The following NKAIN3 variants were observed in gnomAD, a reference collection of about 807,000 sequenced individuals.
The protein encoded by NKAIN3 is sodium/potassium-transporting ATPase subunit beta-1-interacting protein 3.
A neutral mutation model predicts 30.2 loss-of-function variants in NKAIN3; 25 were observed. That is an observed-to-expected ratio of 0.83 (90% CI 0.60 to 1.16). The LOEUF (loss-of-function observed/expected upper bound fraction) is 1.16. Among genes scored for constraint, NKAIN3 ranks in the 50% most tolerant of loss-of-function variants. The pLI, the probability that NKAIN3 is intolerant of heterozygous loss-of-function variation, is 0.00. For missense variants in NKAIN3, 225 were observed against 254.1 expected (o/e 0.89, Z 0.78); for synonymous variants, 91 against 89.6 (o/e 1.02, Z -0.09).
In NKAIN3 at chr8:62,857,969, G is replaced by T. The variant is rs1216030161; in HGVS notation, c.472-60484G>T. Among the ~76,000 whole-genome samples the T allele has an allele frequency of 1.1e-4, 16 of 152,280 alleles. No individual in the cohort carries two copies. In the East Asian group the frequency reaches 2.9e-3, roughly 28 times the overall value. ...TTTGAGTTGATTCTTTCTCATCTTT[G>T]TGGGCTTATCTACCTTTGATCTTTG... On this transcript the variant is annotated intron_variant, in intron 4 of 6. Transcript: ENST00000623646.
chr8:62,420,495 A>T (rs1348421646), intron 1 of NKAIN3, among the ~76,000 whole-genome samples: 1 of 152,156 alleles, frequency 6.6e-6, no homozygotes, highest in African/African-American at 2.4e-5. Context: ...TTTTGGTGAA[A>T]ATTTTGTATT....
At chr8:62,376,933 T>C (rs1817102693) in intron 1 of NKAIN3, among the ~76,000 whole-genome samples, 2 of 152,182 alleles carry the variant, frequency 1.3e-5, no homozygotes, top group African/African-American at 2.4e-5. Flanking sequence ...TGACTTTATA[T>C]ATATTTTGAT....
chr8:62,697,205 GC>G (rs1304690932), intron 3 of NKAIN3, among the ~76,000 whole-genome samples: 9 of 152,074 alleles, frequency 5.9e-5, no homozygotes, highest in Non-Finnish European at 1.0e-4. Flanking sequence ...AGCCAACAGA[GC>G]CCTACATGAT....
intron 4 of NKAIN3, among the ~76,000 whole-genome samples, chr8:62,801,786 T>C (rs1464936662): frequency 3.9e-5 from 6 of 152,184 alleles, no homozygotes; most frequent in Non-Finnish European, 7.3e-5. Context: ...TTTGACGAGT[T>C]GAGAGAAGAA....
At chr8:62,538,122 T>C (rs182307797) in intron 1 of NKAIN3, among the ~76,000 whole-genome samples, 3 of 152,286 alleles carry the variant, frequency 2.0e-5, no homozygotes, top group Non-Finnish European at 4.4e-5. Context: ...TCTGGCTTGA[T>C]CTCTATACAA....
At chr8:62,748,028 A>G (rs569811320) in intron 4 of NKAIN3, among the ~76,000 whole-genome samples, 2 of 152,316 alleles carry the variant, frequency 1.3e-5, no homozygotes, top group South Asian at 2.1e-4. Flanking sequence ...CCTTGCTATC[A>G]CTTACTGTAT....
intron 4 of NKAIN3, among the ~76,000 whole-genome samples, chr8:62,908,431 A>G (rs914965325): frequency 1.3e-5 from 2 of 152,168 alleles, no homozygotes. Flanking sequence ...ATGTGAGGAC[A>G]TGAGATTTGG....
chr8:62,816,188 CT>C (rs1247613568), intron 4 of NKAIN3, among the ~76,000 whole-genome samples: 6 of 152,110 alleles, frequency 3.9e-5, no homozygotes, highest in Non-Finnish European at 8.8e-5. Context: ...TCAGGAAATA[CT>C]TTTTCCTGTA....
intron 4 of NKAIN3, among the ~76,000 whole-genome samples, chr8:62,852,817 G>A (rs1319517825): frequency 6.6e-6 from 1 of 152,128 alleles, no homozygotes; most frequent in Admixed American, 6.6e-5. Flanking sequence ...TGGTCTGAGA[G>A]ACAGTTTGTT....
intron 1 of NKAIN3, among the ~76,000 whole-genome samples, chr8:62,252,386 A>T (rs1210176336): frequency 6.6e-6 from 1 of 152,250 alleles, no homozygotes; most frequent in Non-Finnish European, 1.5e-5. Flanking sequence ...TTTTGTCTGA[A>T]CTACTGTCTG....
intron 3 of NKAIN3, among the ~76,000 whole-genome samples, chr8:62,664,824 G>A (rs541833375): frequency 1.4e-4 from 21 of 152,168 alleles, no homozygotes; most frequent in Admixed American, 1.2e-3. Flanking sequence ...TTCAGATCAA[G>A]AACTCCAGCT....
intron 4 of NKAIN3, among the ~76,000 whole-genome samples, chr8:62,754,834 T>C (rs1391239167): frequency 1.3e-5 from 2 of 152,202 alleles, no homozygotes; most frequent in Non-Finnish European, 2.9e-5. Flanking sequence ...CATATGCTTA[T>C]AGAATAAATT....
intron 3 of NKAIN3, among the ~76,000 whole-genome samples, chr8:62,677,321 C>T (rs892674625): frequency 1.3e-5 from 2 of 152,234 alleles, no homozygotes; most frequent in African/African-American, 4.8e-5. Context: ...AACTCTTCAG[C>T]TGGCATTAAC....
intron 1 of NKAIN3, among the ~76,000 whole-genome samples, chr8:62,557,145 T>G (rs562075456): frequency 1.3e-5 from 2 of 152,154 alleles, no homozygotes; most frequent in African/African-American, 4.8e-5. Context: ...CACTTATGAG[T>G]GAGAACATAT....
chr8:62,356,509 A>T (rs2129592129), intron 1 of NKAIN3, among the ~76,000 whole-genome samples: 1 of 152,240 alleles, frequency 6.6e-6, no homozygotes, highest in East Asian at 1.9e-4. Context: ...CAAACCTGGA[A>T]AGAGTCTTTG....
At chr8:62,913,694 A>G (rs1015690120) in intron 4 of NKAIN3, among the ~76,000 whole-genome samples, 1 of 152,228 alleles carries the variant, frequency 6.6e-6, no homozygotes, top group Non-Finnish European at 1.5e-5. Flanking sequence ...CTAATTATGG[A>G]CACAAATGAA....
chr8:62,763,911 G>A (rs1049311826), intron 4 of NKAIN3, among the ~76,000 whole-genome samples: 1 of 152,212 alleles, frequency 6.6e-6, no homozygotes, highest in African/African-American at 2.4e-5. Context: ...CTTGGAATGT[G>A]TCTGTGTGAA....
intron 4 of NKAIN3, among the ~76,000 whole-genome samples, chr8:62,834,194 C>A (rs956737979): frequency 7.9e-5 from 12 of 151,932 alleles, no homozygotes; most frequent in African/African-American, 2.9e-4. Flanking sequence ...TAAGAACGGT[C>A]TAAGAGAAAC....
chr8:62,625,747 G>T (rs1811768762), intron 3 of NKAIN3, among the ~76,000 whole-genome samples: 2 of 152,084 alleles, frequency 1.3e-5, no homozygotes, highest in South Asian at 4.1e-4. Flanking sequence ...GTGAAAGAGT[G>T]AGAAGGAATT....
Sources: gnomAD v4.1 joint callset for allele counts (sites outside exome capture counted in the v4.1 genomes callset) on GRCh38, gnomAD v4.1.1 for gene constraint, MANE v1.5 for transcripts, NCBI Gene and HGNC (gene_info 2026-07-23, HGNC 2026-07-21) for gene names.